DEPDC5: variants seen among roughly 807,000 people sequenced by gnomAD.
DEPDC5 encodes DEP domain containing 5, GATOR1 subcomplex subunit, also known as GATOR1 complex protein DEPDC5.
A neutral mutation model predicts 217.3 loss-of-function variants in DEPDC5; 73 were observed. The ratio of observed to expected loss-of-function variants is 0.34; its 90% CI spans 0.28 to 0.41. The LOEUF (loss-of-function observed/expected upper bound fraction) is 0.41. DEPDC5 is among the 10% of genes least tolerant of loss of function. DEPDC5 has a pLI of 1.00. For synonymous variants in DEPDC5, 733 were observed against 756.7 expected (o/e 0.97, Z 0.51); for missense variants, 1,675 against 2,070.1 (o/e 0.81, Z 3.70).
intron 34 of DEPDC5, among the ~76,000 whole-genome samples, chr22:31,871,044 T>C (rs1316521411): frequency 1.3e-5 from 2 of 152,224 alleles, no homozygotes; most frequent in Non-Finnish European, 2.9e-5. Context: ...TTCACTGTGG[T>C]GCCTGTGGCA....
intron 17 of DEPDC5, among the ~76,000 whole-genome samples, chr22:31,805,783 G>A (rs1446712457): frequency 1.3e-5 from 2 of 152,124 alleles, no homozygotes; most frequent in Admixed American, 6.6e-5. Flanking sequence ...CATGATATTA[G>A]ACTGTTTTTG....
chr22:31,879,937 G>C, intron 38 of DEPDC5, 185 bp downstream of exon 38: 1 of 617,418 alleles, frequency 1.6e-6, no homozygotes, highest in East Asian at 2.8e-5. Flanking sequence ...GTGGTTTTAT[G>C]ACTGTCCCAA....
intron 31 of DEPDC5, among the ~76,000 whole-genome samples, chr22:31,848,135 T>C (rs994166003): frequency 6.6e-6 from 1 of 152,248 alleles, no homozygotes; most frequent in Non-Finnish European, 1.5e-5. Context: ...TCCCAGGCCC[T>C]TGGGTAGCTC....
Position 31,838,843 on chromosome 22 carries a change from G to T in DEPDC5, c.2513G>T (p.Arg838Leu). ...PPLSSSPLYS[R>L]GLVSRNRPEE... Reference sequence around the variant, plus strand: ...CTGAGCAGTAGCCCACTCTATAGCCGAGGTGAGTTTTTCTCCTTGGATTTC... The same window carrying T: ...CTGAGCAGTAGCCCACTCTATAGCCTAGGTGAGTTTTTCTCCTTGGATTTC... Residue 838 changes from arginine to leucine, a missense_variant and splice_region_variant, in exon 27 of 43, where the codon CGA becomes CTA. Physicochemically the swap from Arg to Leu is moderately radical, Grantham distance 102. Coordinates refer to ENST00000651528, the MANE Select transcript of DEPDC5 (RefSeq NM_001242896.3). 6.2e-7 allele frequency: 1 copy of T among 1,610,522 alleles called. No individual in the cohort carries two copies. Among genetic ancestry groups the T allele is most frequent in the Non-Finnish European group, 8.5e-7 (1 of 1,177,700 alleles).
In DEPDC5 at chr22:31,806,366, GACTATC is replaced by G. The variant is rs200220957; in HGVS notation, c.1287+178_1287+183del. 2.7e-4 allele frequency among the ~76,000 whole-genome samples: 41 copies of G among 152,328 alleles called. No homozygotes were observed. In the East Asian group the frequency reaches 7.7e-3, roughly 29 times the overall value. On this transcript the variant is annotated intron_variant, in intron 18 of 42. Transcript: ENST00000651528. ...CATTAATCAGCAGAGAGCCTTTGTG[GACTATC>G]ACGCATTGATAGGGTTATTTTAGTC...
chr22:31,856,249 A>G (rs904836840), intron 31 of DEPDC5, among the ~76,000 whole-genome samples: 1 of 151,554 alleles, frequency 6.6e-6, no homozygotes, highest in Non-Finnish European at 1.5e-5. Flanking sequence ...ACACACACAC[A>G]CACACTTCAT....
At chr22:31,861,568 G>T in intron 33 of DEPDC5, 135 bp downstream of exon 33, 2 of 889,176 alleles carry the variant, frequency 2.2e-6, no homozygotes, top group Non-Finnish European at 1.8e-6. Context: ...TTTGGTCTCA[G>T]AATTGTACAT....
At chr22:31,834,553 G>A (rs1167100033) in intron 25 of DEPDC5, among the ~76,000 whole-genome samples, 1 of 145,118 alleles carries the variant, frequency 6.9e-6, no homozygotes, top group African/African-American at 2.6e-5. Context: ...GTCTTGCTCT[G>A]TCACCCAGGC....
At chr22:31,845,845 A>C (rs1189903170) in intron 30 of DEPDC5, among the ~76,000 whole-genome samples, 6 of 151,872 alleles carry the variant, frequency 4.0e-5, no homozygotes, top group Non-Finnish European at 7.4e-5. Flanking sequence ...CACTTCAAAA[A>C]AATTCTCTCA....
rs1264327219 is a variant in DEPDC5 at position 31,879,029 on chromosome 22, C to CAAA, written c.3806-483_3806-481dup. Among the ~76,000 whole-genome samples, 160 of 68,114 alleles carry CAAA rather than the reference C, an allele frequency of 2.3e-3. 4 individuals carry two copies. The highest frequency in any genetic ancestry group is 9.7e-3 in the African/African-American group (122 of 12,634). The allele number at this position is 68,114 out of a possible 152,430, so 44.7% of individuals were successfully genotyped here. A position where few individuals can be genotyped will look rare whatever the true frequency, so the allele number is the denominator to read the frequency against. On this transcript the variant is annotated intron_variant, in intron 37 of 42. Transcript: ENST00000651528. ...TGGGCGACAGAGCGAGACTCCGTCTCAAAAAAAAAAAAAAATATATATATA... is the reference window on the plus strand; with the variant it reads ...TGGGCGACAGAGCGAGACTCCGTCTCAAAAAAAAAAAAAAAAAATATATATATA...
At chr22:31,876,782 A>G (rs1490226676) in intron 37 of DEPDC5, among the ~76,000 whole-genome samples, 1 of 151,942 alleles carries the variant, frequency 6.6e-6, no homozygotes, top group Non-Finnish European at 1.5e-5. Context: ...AATAATGAGG[A>G]AAAAGTAATT....
At chr22:31,798,270 C>A (rs1186834974) in intron 13 of DEPDC5, among the ~76,000 whole-genome samples, 2 of 152,086 alleles carry the variant, frequency 1.3e-5, no homozygotes, top group Non-Finnish European at 2.9e-5. Context: ...ATGTCTCATG[C>A]CTGTAATCCC....
chr22:31,897,801 C>G (rs934829771), intron 40 of DEPDC5, 148 bp downstream of exon 40: 19 of 922,934 alleles, frequency 2.1e-5, no homozygotes, highest in Non-Finnish European at 2.7e-5. Context: ...TCTAAAGGAT[C>G]CTGATTCTTG....
intron 22 of DEPDC5, among the ~76,000 whole-genome samples, chr22:31,820,180 C>T (rs2089546604): frequency 6.6e-6 from 1 of 152,086 alleles, no homozygotes; most frequent in Admixed American, 6.6e-5. Context: ...GGCGTGATCT[C>T]AGATAACTGC....
intron 20 of DEPDC5, among the ~76,000 whole-genome samples, chr22:31,811,995 TC>T (rs1343727033): frequency 6.6e-6 from 1 of 152,032 alleles, no homozygotes; most frequent in Non-Finnish European, 1.5e-5. Context: ...ATTTTTTTTT[TC>T]TTTTTTTTTC....
chr22:31,870,224 C>T (rs1384655043), intron 33 of DEPDC5, among the ~76,000 whole-genome samples: 2 of 152,238 alleles, frequency 1.3e-5, no homozygotes, highest in African/African-American at 4.8e-5. Context: ...GACTTCTCCA[C>T]TCTTTCTATG....
intron 22 of DEPDC5, among the ~76,000 whole-genome samples, chr22:31,820,521 G>A (rs1289180912): frequency 6.6e-6 from 1 of 152,130 alleles, no homozygotes; most frequent in East Asian, 1.9e-4. Flanking sequence ...GTGAGAAATA[G>A]ATCTGAATCA....
Position 31,810,409 on chromosome 22 carries a change from G to A in DEPDC5, c.1325-112G>A, listed in dbSNP as rs553626031. 3.7e-5 allele frequency: 55 copies of A among 1,494,074 alleles called. No homozygotes were observed. In the South Asian group the frequency reaches 5.9e-4, roughly 16 times the overall value. The allele number at this position is 1,494,074 out of a possible 1,614,324, so 92.6% of individuals were successfully genotyped here. A position where few individuals can be genotyped will look rare whatever the true frequency, so the allele number is the denominator to read the frequency against. On this transcript the variant is annotated intron_variant, in intron 19 of 42. Coordinates refer to ENST00000651528, the MANE Select transcript of DEPDC5 (RefSeq NM_001242896.3). ...AGATTTTGGTGAAGATTATCTGAAG[G>A]CCTCTGTTTGAAATGTATTTGGATG...
rs112993200 is a variant in DEPDC5, at chr22:31,822,927, A to G, written c.2104+137A>G. ...ACACTTTTGGGTGACCTATTTAGAA[A>G]CAGTGCTCTATAATGCATGGAATTA... On this transcript the variant is annotated intron_variant, in intron 24 of 42. Coordinates refer to ENST00000651528, the MANE Select transcript of DEPDC5 (RefSeq NM_001242896.3). 4.3e-5 allele frequency: 35 copies of G among 804,726 alleles called. No homozygotes were observed. The African/African-American group carries it at 4.4e-4, about 10-fold the overall frequency. 49.8% of individuals were successfully genotyped at this position (804,726 alleles called of 1,614,324 possible). A position where few individuals can be genotyped will look rare whatever the true frequency, so the allele number is the denominator to read the frequency against.
Sources: gnomAD v4.1 joint callset for allele counts (sites outside exome capture counted in the v4.1 genomes callset) on GRCh38, gnomAD v4.1.1 for gene constraint, MANE v1.5 for transcripts, NCBI Gene and HGNC (gene_info 2026-07-23, HGNC 2026-07-21) for gene names.